Variants in ZCWPW2 observed in about 807,000 individuals in gnomAD.
ZCWPW2 encodes the protein zinc finger CW-type PWWP domain protein 2.
Under a neutral mutation model 46.6 loss-of-function variants are expected in ZCWPW2, and 45 were observed. The ratio of observed to expected loss-of-function variants is 0.96; its 90% CI spans 0.76 to 1.24. The LOEUF (loss-of-function observed/expected upper bound fraction) is 1.24. Ranked by LOEUF, ZCWPW2 falls within the 50% of genes most tolerant of loss-of-function variation. The pLI, the probability that ZCWPW2 is intolerant of heterozygous loss-of-function variation, is 0.00. For synonymous variants in ZCWPW2, 152 were observed against 137.1 expected, an observed-to-expected ratio of 1.11 and a Z score of -0.76; for missense variants, 429 against 403.9, an observed-to-expected ratio of 1.06 and a Z score of -0.53.
chr3:28,515,419 T>A, intron 7 of ZCWPW2, 135 bp from the exon 8 acceptor site: 1 of 706,578 alleles, frequency 1.4e-6, no homozygotes, highest in Non-Finnish European at 2.3e-6. Flanking sequence ...TGTTACTACA[T>A]AAAACAACCA....
chr3:28,502,623 G>A (rs1199164159), intron 6 of ZCWPW2, among the ~76,000 whole-genome samples: 3 of 152,048 alleles, frequency 2.0e-5, no homozygotes, highest in Admixed American at 1.3e-4. Flanking sequence ...GTTGTAGTGC[G>A]AAGACCACAT....
At chr3:28,399,107 G>C (rs1300977427) in intron 2 of ZCWPW2, among the ~76,000 whole-genome samples, 1 of 152,154 alleles carries the variant, frequency 6.6e-6, no homozygotes, top group Non-Finnish European at 1.5e-5. Context: ...GGCATGGTGG[G>C]GGTGACACTG....
intron 5 of ZCWPW2, among the ~76,000 whole-genome samples, chr3:28,485,240 A>T (rs1699558536): frequency 6.6e-6 from 1 of 151,634 alleles, no homozygotes; most frequent in Admixed American, 6.6e-5. Flanking sequence ...TTTCTGGCTT[A>T]ATTCCATTTT....
intron 2 of ZCWPW2, among the ~76,000 whole-genome samples, chr3:28,407,226 A>T (rs1420798372): frequency 6.6e-6 from 1 of 152,120 alleles, no homozygotes. Context: ...TGCATCCTTC[A>T]TGGAGCCCTC....
chr3:28,514,146 T>C, intron 7 of ZCWPW2, 24 bp downstream of exon 7: 3 of 1,397,218 alleles, frequency 2.1e-6, no homozygotes, highest in Non-Finnish European at 2.9e-6. Flanking sequence ...AATTAAATAG[T>C]ATTATGATAA....
intron 5 of ZCWPW2, among the ~76,000 whole-genome samples, chr3:28,488,324 C>T (rs1452375168): frequency 6.6e-6 from 1 of 152,084 alleles, no homozygotes; most frequent in African/African-American, 2.4e-5. Flanking sequence ...CCCTGTGACC[C>T]CACTTCTCCA....
rs1486529653 is a variant in ZCWPW2, at chr3:28,524,566, T to G, written c.949T>G (p.Phe317Val). ...CCCAGAAGCTCCTGCAGGCAGTCTGTTTGAAAACCACTATGAAGAGGACTA... is the reference window on the plus strand; with the variant it reads ...CCCAGAAGCTCCTGCAGGCAGTCTGGTTGAAAACCACTATGAAGAGGACTA... The part of the protein sequence containing the change: ...CSPEAPAGSL[F>V]ENHYEEDYLV... The change falls in exon 10 of 10, where the codon TTT becomes GTT. Residue 317 changes from phenylalanine to valine, a missense_variant. Phe to Val is a conservative substitution (Grantham distance 50, BLOSUM62 -1). Coordinates refer to ENST00000383768, the MANE Select transcript of ZCWPW2 (RefSeq NM_001040432.4). 5 of 1,607,714 alleles carry G rather than the reference T, an allele frequency of 3.1e-6. No individual in the cohort carries two copies. Among genetic ancestry groups the G allele is most frequent in the Admixed American group, 1.7e-5 (1 of 58,858 alleles).
intron 4 of ZCWPW2, among the ~76,000 whole-genome samples, chr3:28,452,565 A>G (rs1698267943): frequency 6.6e-6 from 1 of 152,188 alleles, no homozygotes. Flanking sequence ...AAGTGCTGGG[A>G]TTACAGGCAT....
Position 28,521,039 on chromosome 3 carries a change from C to T in ZCWPW2, c.832C>T (p.Gln278Ter). Residue 278 changes from glutamine to a stop codon, truncating the protein, a stop_gained, in exon 9 of 10, where the codon CAG (glutamine) becomes TAG (stop). Coordinates refer to ENST00000383768, the MANE Select transcript of ZCWPW2 (RefSeq NM_001040432.4). LOFTEE classifies it high-confidence loss of function. ...ACTAAAAGAGCTGGAGCAAATGCTG[C>T]AGCAAGCACTGCAACCCACAGCCAC... is the stretch of plus-strand genomic sequence containing the variant. ...VLLKELEQML[Q>*]QALQPTATPD... 6.2e-7 allele frequency: 1 copy of T among 1,612,964 alleles called. No homozygotes were observed. Among genetic ancestry groups the T allele is most frequent in the Non-Finnish European group, 8.5e-7 (1 of 1,179,648 alleles).
At chr3:28,500,446 A>G (rs755766944) in intron 6 of ZCWPW2, among the ~76,000 whole-genome samples, 5 of 151,986 alleles carry the variant, frequency 3.3e-5, no homozygotes, top group Non-Finnish European at 7.4e-5. Flanking sequence ...CTGTTTTTTA[A>G]TTTTTTGTTT....
At chr3:28,511,709 A>C in intron 6 of ZCWPW2, among the ~76,000 whole-genome samples, 1 of 152,088 alleles carries the variant, frequency 6.6e-6, no homozygotes, top group East Asian at 1.9e-4. Flanking sequence ...CTACTTTTGT[A>C]AATCCTCTTT....
chr3:28,505,808 T>C (rs577019497), intron 6 of ZCWPW2, among the ~76,000 whole-genome samples: 147 of 152,138 alleles, frequency 9.7e-4, no homozygotes, highest in Non-Finnish European at 1.8e-3. Flanking sequence ...ACAAAACATA[T>C]TTATGTCTTC....
At position 28,356,666 on chromosome 3, in the gene ZCWPW2, A is replaced by G. The variant is rs1235088414; in HGVS notation, c.-134+7463A>G. Among the ~76,000 whole-genome samples the G allele has an allele frequency of 7.9e-5, 12 of 152,388 alleles. No individual in the cohort carries two copies. The East Asian group carries it at 1.2e-3, about 15-fold the overall frequency. On this transcript the variant is annotated intron_variant, in intron 1 of 9. Transcript: ENST00000383768. ...TGTTACATATACAACATGGAATACT[A>G]TGCAGACATAAAAAATGATGAGTTC...
At chr3:28,495,312 G>T (rs140371891) in intron 6 of ZCWPW2, among the ~76,000 whole-genome samples, 1 of 151,892 alleles carries the variant, frequency 6.6e-6, no homozygotes, top group Non-Finnish European at 1.5e-5. Flanking sequence ...AAGGATATAG[G>T]TCTTGTGTGT....
At chr3:28,419,965 C>T (rs1314703579) in intron 3 of ZCWPW2, among the ~76,000 whole-genome samples, 1 of 140,492 alleles carries the variant, frequency 7.1e-6, no homozygotes, top group Non-Finnish European at 1.5e-5. Flanking sequence ...CGGAGATATA[C>T]CTAACGCTAA....
At chr3:28,496,100 A>C (rs1235305677) in intron 6 of ZCWPW2, among the ~76,000 whole-genome samples, 1 of 152,098 alleles carries the variant, frequency 6.6e-6, no homozygotes. Flanking sequence ...TAGACAAATT[A>C]AATGGTTCTC....
chr3:28,350,133 A>G (rs2125682187), intron 1 of ZCWPW2, among the ~76,000 whole-genome samples: 1 of 152,236 alleles, frequency 6.6e-6, no homozygotes, highest in South Asian at 2.1e-4. Context: ...TCAGTCCTTA[A>G]ATTTTTTTAT....
chr3:28,468,907 C>T (rs1042074416), intron 4 of ZCWPW2, among the ~76,000 whole-genome samples: 4 of 152,030 alleles, frequency 2.6e-5, no homozygotes, highest in Non-Finnish European at 4.4e-5. Flanking sequence ...AGAAAGTACA[C>T]AGAAAAACAC....
intron 3 of ZCWPW2, among the ~76,000 whole-genome samples, chr3:28,430,768 T>C (rs1352206158): frequency 1.3e-5 from 2 of 152,158 alleles, no homozygotes; most frequent in Non-Finnish European, 2.9e-5. Flanking sequence ...TGAGATTTGA[T>C]GGTTTTATAA....
Sources: gnomAD v4.1 joint callset for allele counts (sites outside exome capture counted in the v4.1 genomes callset) on GRCh38, gnomAD v4.1.1 for gene constraint, MANE v1.5 for transcripts, NCBI Gene and HGNC (gene_info 2026-07-23, HGNC 2026-07-21) for gene names.